MARK1: variants seen among roughly 807,000 people sequenced by gnomAD.
The protein encoded by MARK1 is serine/threonine-protein kinase MARK1.
MARK1 carries 40 observed loss-of-function variants against 96.3 expected under a neutral mutation model. The observed-to-expected ratio is 0.42, with a 90% confidence interval of 0.32 to 0.54. MARK1 has a LOEUF of 0.54. MARK1 is among the 20% of genes least tolerant of loss of function. The probability of loss-of-function intolerance (pLI) is 0.16; values close to 1 mark genes in which losing one functional copy is unlikely to be tolerated. For synonymous variants in MARK1, 317 were observed against 341.2 expected (o/e 0.93, Z 0.78); for missense variants, 719 against 984.6 (o/e 0.73, Z 3.61).
At chr1:220,589,243 A>C (rs1664833281) in intron 3 of MARK1, among the ~76,000 whole-genome samples, 1 of 152,190 alleles carries the variant, frequency 6.6e-6, no homozygotes, top group Non-Finnish European at 1.5e-5. Context: ...CCTGACTATG[A>C]CACTTTGGGT....
At chr1:220,595,590 G>A (rs1270928005) in intron 3 of MARK1, among the ~76,000 whole-genome samples, 1 of 152,188 alleles carries the variant, frequency 6.6e-6, no homozygotes, top group East Asian at 1.9e-4. Flanking sequence ...AGGCTAGAGA[G>A]GTAAATAGGA....
chr1:220,528,692 C>G lies in MARK1; in HGVS notation c.-131C>G. On this transcript the variant is annotated 5_prime_UTR_variant, in exon 1 of 18. Coordinates refer to ENST00000366917, the MANE Select transcript of MARK1 (RefSeq NM_018650.5). ...CCCCCGCCGGGGCCGCTTGTTGCACCGCCCCGCGGCCTGCGGGAGCCGCTC... is the reference window on the plus strand; with the variant it reads ...CCCCCGCCGGGGCCGCTTGTTGCACGGCCCCGCGGCCTGCGGGAGCCGCTC... 1.4e-6 allele frequency: 1 copy of G among 707,400 alleles called. No homozygotes were observed. The highest frequency in any genetic ancestry group is 2.2e-6 in the Non-Finnish European group (1 of 456,966). 43.8% of individuals were successfully genotyped at this position (707,400 alleles called of 1,614,324 possible). A position where few individuals can be genotyped will look rare whatever the true frequency, so the allele number is the denominator to read the frequency against.
intron 1 of MARK1, among the ~76,000 whole-genome samples, chr1:220,537,307 C>T (rs1660773113): frequency 7.1e-6 from 1 of 140,268 alleles, no homozygotes; most frequent in Non-Finnish European, 1.5e-5. Flanking sequence ...TCTCATTGTT[C>T]AATTCCCACC....
chr1:220,579,189 G>C (rs1417318753), intron 1 of MARK1, among the ~76,000 whole-genome samples, 165 bp from the exon 2 acceptor site: 3 of 152,110 alleles, frequency 2.0e-5, no homozygotes, highest in Non-Finnish European at 4.4e-5. Flanking sequence ...GGTAAAGGGA[G>C]CTGAAGTCCA....
At chr1:220,558,266 T>C (rs901558086) in intron 1 of MARK1, among the ~76,000 whole-genome samples, 4 of 151,254 alleles carry the variant, frequency 2.6e-5, no homozygotes, top group Admixed American at 1.3e-4. Context: ...TATTTTATTA[T>C]GCATTATGCA....
At chr1:220,566,858 A>G (rs1015988211) in intron 1 of MARK1, among the ~76,000 whole-genome samples, 2 of 152,140 alleles carry the variant, frequency 1.3e-5, no homozygotes, top group South Asian at 2.1e-4. Flanking sequence ...ATTTTATTTA[A>G]TCCTCATTGT....
At chr1:220,600,706 T>G (rs1665678194) in intron 5 of MARK1, among the ~76,000 whole-genome samples, 1 of 152,140 alleles carries the variant, frequency 6.6e-6, no homozygotes, top group African/African-American at 2.4e-5. Flanking sequence ...TGAAATTATT[T>G]GGCTGGTTGA....
At chr1:220,559,139 G>A (rs1316239397) in intron 1 of MARK1, among the ~76,000 whole-genome samples, 1 of 152,176 alleles carries the variant, frequency 6.6e-6, no homozygotes, top group Non-Finnish European at 1.5e-5. Context: ...CTGGTTCTTT[G>A]AAAAGATGAA....
intron 6 of MARK1, 78 bp from the exon 7 acceptor site, chr1:220,615,861 A>G (rs1275784861): frequency 2.7e-6 from 2 of 737,778 alleles, no homozygotes; most frequent in East Asian, 5.3e-5. Flanking sequence ...TTAGTAATTT[A>G]TCTAAATTGG....
chr1:220,560,215 C>G (rs942499199), intron 1 of MARK1, among the ~76,000 whole-genome samples: 2 of 152,156 alleles, frequency 1.3e-5, no homozygotes, highest in South Asian at 2.1e-4. Context: ...GTCCTTCCCA[C>G]AACACATAAG....
intron 13 of MARK1, among the ~76,000 whole-genome samples, chr1:220,644,912 G>A (rs1489585989): frequency 6.6e-6 from 1 of 152,022 alleles, no homozygotes; most frequent in African/African-American, 2.4e-5. Context: ...AGAATTTCTG[G>A]GACACAGCTA....
Position 220,653,371 on chromosome 1 carries a change from T to C in MARK1, c.1988+19T>C, listed in dbSNP as rs760430985. 11 of 1,607,732 alleles carry C rather than the reference T, an allele frequency of 6.8e-6. No individual in the cohort carries two copies. Among genetic ancestry groups the C allele is most frequent in the Admixed American group, 3.4e-5 (2 of 59,658 alleles). Reference sequence around the variant, plus strand: ...TTCGCAGGTCAGTACCAATGTACTGTCGTGTTTTGATTCCTCTAGAAATTA... The same window carrying C: ...TTCGCAGGTCAGTACCAATGTACTGCCGTGTTTTGATTCCTCTAGAAATTA... On this transcript the variant is annotated intron_variant, in intron 16 of 17. Coordinates refer to ENST00000366917, the MANE Select transcript of MARK1 (RefSeq NM_018650.5).
chr1:220,603,953 A>G (rs1173614237), intron 5 of MARK1, 114 bp from the exon 6 acceptor site: 1 of 559,236 alleles, frequency 1.8e-6, no homozygotes, highest in African/African-American at 1.9e-5. Context: ...ATAAACTAGC[A>G]GAAAATTGTG....
At chr1:220,587,329 T>TTC (rs57932958) in intron 3 of MARK1, among the ~76,000 whole-genome samples, 27 of 135,982 alleles carry the variant, frequency 2.0e-4, no homozygotes, top group African/African-American at 7.5e-4. Context: ...CTCTCTTTCT[T>TTC]TCTCTCTCTC....
At chr1:220,591,005 C>T (rs889256986) in intron 3 of MARK1, among the ~76,000 whole-genome samples, 3 of 152,114 alleles carry the variant, frequency 2.0e-5, no homozygotes, top group African/African-American at 7.2e-5. Context: ...CTTTTTCTTG[C>T]TTCTTCAGAT....
intron 1 of MARK1, among the ~76,000 whole-genome samples, chr1:220,555,114 T>C (rs1388315634): frequency 6.6e-6 from 1 of 152,158 alleles, no homozygotes; most frequent in Non-Finnish European, 1.5e-5. Flanking sequence ...CTGATTCCAT[T>C]GTGAACTGGA....
At chr1:220,620,213 G>A (rs553031840) in intron 9 of MARK1, among the ~76,000 whole-genome samples, 1 of 151,568 alleles carries the variant, frequency 6.6e-6, no homozygotes. Flanking sequence ...CTCCTTATGG[G>A]GTTAAAAAAA....
intron 1 of MARK1, among the ~76,000 whole-genome samples, chr1:220,544,140 A>G (rs1661325899): frequency 6.6e-6 from 1 of 152,200 alleles, no homozygotes; most frequent in Admixed American, 6.5e-5. Flanking sequence ...TTTAAAGAGG[A>G]ATTTCATGTT....
intron 9 of MARK1, chr1:220,625,844 C>G (rs1328272017): frequency 6.4e-6 from 3 of 466,256 alleles, no homozygotes; most frequent in Non-Finnish European, 1.3e-5. Context: ...CTCACCAAAT[C>G]TACTACTCAC....
Sources: allele counts gnomAD v4.1 joint callset (sites outside exome capture counted in the v4.1 genomes callset), GRCh38; gene constraint gnomAD v4.1.1; transcripts MANE v1.5; gene names NCBI Gene and HGNC (gene_info 2026-07-23, HGNC 2026-07-21).